PRKG1: variants seen among roughly 807,000 people sequenced by gnomAD.
PRKG1 encodes cGMP-dependent protein kinase 1.
Under a neutral mutation model 88.1 loss-of-function variants are expected in PRKG1, and 35 were observed. That is an observed-to-expected ratio of 0.40 (90% CI 0.30 to 0.53). The LOEUF (loss-of-function observed/expected upper bound fraction) is 0.53, where lower values mean the gene tolerates loss of function less well. Ranked by LOEUF, PRKG1 falls within the 20% of genes least tolerant of loss-of-function variation. The probability of loss-of-function intolerance (pLI) is 0.59; values close to 1 mark genes in which losing one functional copy is unlikely to be tolerated. For synonymous variants in PRKG1, 303 were observed against 292.5 expected (o/e 1.04, Z -0.37); for missense variants, 540 against 839.8 (o/e 0.64, Z 4.41).
At chr10:51,709,797 G>A (rs964068730) in intron 3 of PRKG1, among the ~76,000 whole-genome samples, 2 of 152,180 alleles carry the variant, frequency 1.3e-5, no homozygotes, top group African/African-American at 4.8e-5. Context: ...ACAGGGAGGA[G>A]AGGTTCTGGG....
intron 2 of PRKG1, among the ~76,000 whole-genome samples, chr10:51,233,540 T>G (rs1461218432): frequency 6.6e-6 from 1 of 152,204 alleles, no homozygotes; most frequent in African/African-American, 2.4e-5. Flanking sequence ...TAAACATGGA[T>G]GTGTACACCA....
intron 3 of PRKG1, among the ~76,000 whole-genome samples, chr10:51,802,691 A>AAACATGAT (rs1396688850): frequency 3.3e-5 from 5 of 152,136 alleles, no homozygotes; most frequent in Non-Finnish European, 7.4e-5. Flanking sequence ...TTATATAAGG[A>AAACATGAT]AACATGATAC....
chr10:51,238,695 AG>A (rs772212452), intron 2 of PRKG1, among the ~76,000 whole-genome samples: 38 of 151,612 alleles, frequency 2.5e-4, no homozygotes, highest in Non-Finnish European at 4.4e-4. Context: ...TGGGAGGACG[AG>A]GTTGCAGTGA....
chr10:52,215,142 C>T (rs529534658), intron 9 of PRKG1, among the ~76,000 whole-genome samples: 63 of 151,728 alleles, frequency 4.2e-4, no homozygotes, highest in Non-Finnish European at 8.5e-4. Context: ...TGCCTGTAAT[C>T]CCTACACTTT....
intron 10 of PRKG1, among the ~76,000 whole-genome samples, chr10:52,255,862 T>A (rs980214990): frequency 4.6e-5 from 7 of 152,048 alleles, no homozygotes; most frequent in Non-Finnish European, 1.5e-5. Flanking sequence ...ATAAATATTA[T>A]TTCTTTAATA....
At chr10:51,237,788 GA>G (rs370955942) in intron 2 of PRKG1, among the ~76,000 whole-genome samples, 2 of 150,738 alleles carry the variant, frequency 1.3e-5, no homozygotes, top group East Asian at 1.9e-4. Flanking sequence ...ATGTATTTCT[GA>G]AAAAAAAAGA....
intron 3 of PRKG1, among the ~76,000 whole-genome samples, chr10:51,614,427 TA>T (rs961340842): frequency 6.5e-4 from 96 of 148,148 alleles, no homozygotes; most frequent in African/African-American, 1.5e-3. Context: ...GTTGTATCTT[TA>T]AAAAAAAAAA....
intron 2 of PRKG1, among the ~76,000 whole-genome samples, chr10:51,201,452 C>CA (rs1212192136): frequency 6.6e-6 from 1 of 151,810 alleles, no homozygotes; most frequent in East Asian, 1.9e-4. Flanking sequence ...GACTTTGACT[C>CA]AAAAAAATAA....
chr10:51,910,056 A>T (rs1003411618), intron 5 of PRKG1: 2 of 152,226 alleles, frequency 1.3e-5, no homozygotes, highest in African/African-American at 2.4e-5. Context: ...ATTCTGATAT[A>T]TTCTATTTTC....
intron 3 of PRKG1, among the ~76,000 whole-genome samples, chr10:51,742,633 G>A (rs1380004997): frequency 6.6e-6 from 1 of 152,180 alleles, no homozygotes; most frequent in East Asian, 1.9e-4. Context: ...GTTGTGGTGG[G>A]TGCTGAGTTT....
At chr10:51,556,306 G>A (rs922616171) in intron 3 of PRKG1, among the ~76,000 whole-genome samples, 1 of 151,836 alleles carries the variant, frequency 6.6e-6, no homozygotes, top group African/African-American at 2.4e-5. Flanking sequence ...CTTATTTATT[G>A]TATATACTAT....
chr10:51,201,136 G>C (rs1837901788), intron 2 of PRKG1, among the ~76,000 whole-genome samples: 1 of 152,118 alleles, frequency 6.6e-6, no homozygotes, highest in Admixed American at 6.6e-5. Flanking sequence ...TTAAAACTAA[G>C]TGTATTGGCT....
chr10:51,415,104 TCA>T (rs1240962370), intron 2 of PRKG1, among the ~76,000 whole-genome samples: 1 of 152,204 alleles, frequency 6.6e-6, no homozygotes, highest in Admixed American at 6.5e-5. Flanking sequence ...TTGCCCCAGG[TCA>T]CACAGTCAGC....
intron 2 of PRKG1, among the ~76,000 whole-genome samples, chr10:51,396,349 G>A (rs569067495): frequency 5.3e-5 from 8 of 151,692 alleles, no homozygotes; most frequent in South Asian, 4.2e-4. Flanking sequence ...TACGGTGATC[G>A]CATAACTACA....
intron 2 of PRKG1, among the ~76,000 whole-genome samples, chr10:51,288,884 A>G (rs577361857): frequency 3.9e-5 from 6 of 152,226 alleles, no homozygotes; most frequent in Admixed American, 2.6e-4. Context: ...CTTCAGCACT[A>G]ATTTCTGGGG....
At chr10:51,227,929 T>A (rs1838736451) in intron 2 of PRKG1, among the ~76,000 whole-genome samples, 1 of 152,140 alleles carries the variant, frequency 6.6e-6, no homozygotes, top group Middle Eastern at 3.4e-3. Context: ...CTCATGGACA[T>A]CTCTAGACTA....
At chr10:51,132,507 G>T (rs1352367420) in intron 1 of PRKG1, among the ~76,000 whole-genome samples, 3 of 151,664 alleles carry the variant, frequency 2.0e-5, no homozygotes, top group East Asian at 1.9e-4. Flanking sequence ...TACATAAAAG[G>T]TTAAACTTTA....
chr10:51,733,816 T>C (rs1453265483), intron 3 of PRKG1, among the ~76,000 whole-genome samples: 2 of 152,186 alleles, frequency 1.3e-5, no homozygotes, highest in East Asian at 3.9e-4. Context: ...TTTGAGTACC[T>C]TGGGACCCTC....
chr10:52,120,891 C>T (rs928830914), intron 7 of PRKG1, among the ~76,000 whole-genome samples: 9 of 152,186 alleles, frequency 5.9e-5, no homozygotes, highest in Admixed American at 3.3e-4. Context: ...TGTGGTGATT[C>T]TGCCTCTGTG....
Sources: allele counts gnomAD v4.1 joint callset (sites outside exome capture counted in the v4.1 genomes callset), GRCh38; gene constraint gnomAD v4.1.1; transcripts MANE v1.5; gene names NCBI Gene and HGNC (gene_info 2026-07-23, HGNC 2026-07-21).